The following QKI variants were observed in gnomAD, a reference collection of about 807,000 sequenced individuals.
The protein encoded by QKI is KH domain-containing RNA-binding protein QKI.
QKI carries 10 observed loss-of-function variants against 39.0 expected under a neutral mutation model. The observed-to-expected ratio is 0.26, with a 90% CI of 0.16 to 0.43. QKI has a LOEUF of 0.43. Among genes scored for constraint, QKI ranks in the 20% least tolerant of loss-of-function variants. The pLI is 1.00. For synonymous variants in QKI, 204 were observed against 155.4 expected (o/e 1.31, Z -2.33); for missense variants, 218 against 428.0 (o/e 0.51, Z 4.33).
intron 2 of QKI, among the ~76,000 whole-genome samples, chr6:163,469,943 C>G (rs913043380): frequency 4.6e-5 from 7 of 152,020 alleles, no homozygotes; most frequent in African/African-American, 1.7e-4. Context: ...AGCAACTGCT[C>G]AAAAAGTGCC....
At chr6:163,480,066 C>A (rs959084891) in intron 3 of QKI, among the ~76,000 whole-genome samples, 1 of 152,066 alleles carries the variant, frequency 6.6e-6, no homozygotes. Flanking sequence ...TTAGTAAAGA[C>A]CCAACTATCT....
chr6:163,578,384 C>T lies in QKI; in HGVS notation c.*7674C>T, dbSNP rs1462053883. On this transcript the variant is annotated 3_prime_UTR_variant, in exon 8 of 8. Transcript: ENST00000361752. ...TCAAGCTTGGGAATGAGGAAAGTGC[C>T]TTGGCTGTGCTTGAAACCTGAATTT... 1 of 152,144 alleles carries T rather than the reference C, an allele frequency of 6.6e-6. No homozygotes were observed. The highest frequency in any genetic ancestry group is 2.4e-5 in the African/African-American group (1 of 41,414). The allele number at this position is 152,144 out of a possible 1,614,324, so 9.4% of individuals were successfully genotyped here. A position where few individuals can be genotyped will look rare whatever the true frequency, so the allele number is the denominator to read the frequency against.
At chr6:163,566,439 G>A in intron 6 of QKI, 1 of 1,273,734 alleles carries the variant, frequency 7.9e-7, no homozygotes, top group South Asian at 1.7e-5. Flanking sequence ...GCTTAAATAT[G>A]TTTGGATCTA....
In QKI at chr6:163,565,349, G is replaced by A. The variant is rs3777901; in HGVS notation, c.935-1372G>A. 28 of 986,230 alleles carry A rather than the reference G, an allele frequency of 2.8e-5. No homozygotes were observed. The East Asian group carries it at 2.6e-3, about 92-fold the overall frequency. 61.1% of individuals were successfully genotyped at this position (986,230 alleles called of 1,614,324 possible). On this transcript the variant is annotated intron_variant, in intron 6 of 7. Transcript: ENST00000361752. ...ACTCTTGACTTCCTGCAGGGCTGGG[G>A]CTCTTAGCCACCAGCTGCTGTTCCA... is the stretch of plus-strand genomic sequence containing the variant.
intron 2 of QKI, among the ~76,000 whole-genome samples, chr6:163,465,064 C>G (rs140056981): frequency 1.5e-4 from 23 of 152,196 alleles, no homozygotes; most frequent in African/African-American, 4.8e-4. Context: ...ACCAAATTAA[C>G]AGAATGAAAA....
intron 1 of QKI, among the ~76,000 whole-genome samples, chr6:163,452,263 C>T (rs1470530369): frequency 1.3e-5 from 2 of 152,172 alleles, no homozygotes; most frequent in South Asian, 2.1e-4. Flanking sequence ...CCAAACTCAA[C>T]AGTGAGTAAG....
At chr6:163,549,121 T>A (rs1449966423) in intron 4 of QKI, among the ~76,000 whole-genome samples, 1 of 152,078 alleles carries the variant, frequency 6.6e-6, no homozygotes, top group African/African-American at 2.4e-5. Context: ...GGAAGGCATC[T>A]CTTCACAGGG....
chr6:163,564,375 GACCACATAGTATAA>G, intron 6 of QKI: 2 of 1,218,380 alleles, frequency 1.6e-6, no homozygotes, highest in Non-Finnish European at 2.1e-6. Context: ...AATCTTATGG[GACCACATAGTATAA>G]GTGGTCCGTT....
At chr6:163,533,781 AT>A (rs1336587505) in intron 3 of QKI, among the ~76,000 whole-genome samples, 7 of 149,842 alleles carry the variant, frequency 4.7e-5, no homozygotes, top group South Asian at 4.2e-4. Flanking sequence ...ATTGTGTCTG[AT>A]TTTTTTTTTC....
chr6:163,475,471 A>C (rs1371214054), intron 2 of QKI, among the ~76,000 whole-genome samples: 3 of 152,164 alleles, frequency 2.0e-5, no homozygotes, highest in Non-Finnish European at 4.4e-5. Flanking sequence ...TTATGTGCAA[A>C]TATGACACCG....
chr6:163,488,898 C>G (rs1004310625), intron 3 of QKI, among the ~76,000 whole-genome samples: 2 of 151,564 alleles, frequency 1.3e-5, no homozygotes, highest in Non-Finnish European at 2.9e-5. Context: ...CATCTCAGGC[C>G]CATTTATTTA....
intron 1 of QKI, among the ~76,000 whole-genome samples, chr6:163,420,154 C>CTTTTTTTTTTTTT (rs35131240): frequency 1.6e-5 from 1 of 60,828 alleles, no homozygotes. Context: ...CTTTTCTTTT[C>CTTTTTTTTTTTTT]TTTTTTTTTT....
rs530375031 is a variant in QKI, at chr6:163,540,708, C to T, written c.546+5583C>T. ...ATTTTACCTGGAGAACATGTTTACT[C>T]TGAAAATGACACCAGTTTAGTTTCA... On this transcript the variant is annotated intron_variant, in intron 4 of 7. Transcript: ENST00000361752. Among the ~76,000 whole-genome samples, 12 of 152,226 alleles carry T rather than the reference C, an allele frequency of 7.9e-5. No individual in the cohort carries two copies. In the East Asian group the frequency reaches 2.1e-3, roughly 27 times the overall value.
chr6:163,515,002 G>A (rs1370419440), intron 3 of QKI, among the ~76,000 whole-genome samples: 3 of 152,058 alleles, frequency 2.0e-5, no homozygotes, highest in Middle Eastern at 3.2e-3. Context: ...AACAAAATGT[G>A]TATATTTAGA....
Position 163,512,298 on chromosome 6 carries a change from CCTGT to C in QKI, c.403-22681_403-22678del, listed in dbSNP as rs372371287. On this transcript the variant is annotated intron_variant, in intron 3 of 7. Transcript: ENST00000361752. ...ACAAGCCGAAGATGTTTGATTTTAC[CCTGT>C]CTATTCCAATTTGTACTAAAGGTCC... Among the ~76,000 whole-genome samples, 53 of 151,948 alleles carry C rather than the reference CCTGT, an allele frequency of 3.5e-4. No individual in the cohort carries two copies. The East Asian group carries it at 5.8e-3, about 17-fold the overall frequency.
chr6:163,553,206 C>T (rs1179838099), intron 4 of QKI, among the ~76,000 whole-genome samples: 18 of 151,650 alleles, frequency 1.2e-4, no homozygotes, highest in African/African-American at 3.6e-4. Context: ...TGGGTTCAAG[C>T]GATTCTCCTG....
chr6:163,466,158 A>C (rs1007303595), intron 2 of QKI, among the ~76,000 whole-genome samples: 3 of 151,988 alleles, frequency 2.0e-5, no homozygotes, highest in Non-Finnish European at 4.4e-5. Flanking sequence ...TCTCATTTAC[A>C]ATAGCATCGG....
chr6:163,440,701 A>G (rs1319343420), intron 1 of QKI, among the ~76,000 whole-genome samples: 1 of 152,216 alleles, frequency 6.6e-6, no homozygotes, highest in Non-Finnish European at 1.5e-5. Flanking sequence ...CTCTGCTTCA[A>G]CTATAGTTTT....
At chr6:163,507,305 G>A (rs1291403079) in intron 3 of QKI, among the ~76,000 whole-genome samples, 2 of 152,256 alleles carry the variant, frequency 1.3e-5, no homozygotes, top group Middle Eastern at 3.4e-3. Flanking sequence ...TCTGTTTCCG[G>A]TAATGAATGA....
Sources: allele counts gnomAD v4.1 joint callset (sites outside exome capture counted in the v4.1 genomes callset), GRCh38; gene constraint gnomAD v4.1.1; transcripts MANE v1.5; gene names NCBI Gene and HGNC (gene_info 2026-07-23, HGNC 2026-07-21).